Variants in DMP1 observed in about 807,000 individuals in gnomAD.
The protein encoded by DMP1 is dentin matrix protein 1.
DMP1 carries 20 observed loss-of-function variants against 14.6 expected under a neutral mutation model. The ratio of observed to expected loss-of-function variants is 1.37; its 90% CI spans 0.96 to 1.99. DMP1 has a LOEUF of 1.99. Among genes scored for constraint, DMP1 ranks in the 30% most tolerant of loss-of-function variants. The pLI, the probability that DMP1 is intolerant of heterozygous loss-of-function variation, is 0.00. For missense variants in DMP1, 567 were observed against 620.5 expected, an observed-to-expected ratio of 0.91 and a Z score of 0.92; for synonymous variants, 197 against 215.3, an observed-to-expected ratio of 0.91 and a Z score of 0.75.
At chr4:87,661,335 C>T (rs899478274) in intron 5 of DMP1, among the ~76,000 whole-genome samples, 1 of 150,994 alleles carries the variant, frequency 6.6e-6, no homozygotes, top group Non-Finnish European at 1.5e-5. Flanking sequence ...CATTCTCCTG[C>T]CTCAGCCTCC....
At position 87,662,182 on chromosome 4, in the gene DMP1, GA is replaced by G. The variant is rs758872749; in HGVS notation, c.406del (p.Ser136ValfsTer97). The G allele has an allele frequency of 6.2e-7, 1 of 1,614,218 alleles. No homozygotes were observed. Among genetic ancestry groups the G allele is most frequent in the Non-Finnish European group, 8.5e-7 (1 of 1,180,054 alleles). On this transcript the variant is annotated frameshift_variant, in exon 6 of 6. Transcript: ENST00000339673. LOFTEE classifies it low-confidence loss of function (END_TRUNC). Reference sequence around the variant, plus strand: ...CAAGAAGGAGGAAACTCCAGACTGGGAAGTGATGAGGACTCTGATGACACCA... The same window carrying G: ...CAAGAAGGAGGAAACTCCAGACTGGGAGTGATGAGGACTCTGATGACACCA... ...DRQEGGNSRL[G>X]SDEDSDDTIQ...
intron 5 of DMP1, among the ~76,000 whole-genome samples, chr4:87,661,557 C>T (rs1326694248): frequency 6.6e-6 from 1 of 151,624 alleles, no homozygotes; most frequent in Non-Finnish European, 1.5e-5. Context: ...GACGAGGTTT[C>T]ACCATGTTGG....
In DMP1 at chr4:87,659,069, A is replaced by G. The variant is rs754748777; in HGVS notation, c.103-151A>G. The G allele has an allele frequency of 6.1e-4, 475 of 773,796 alleles. 2 individuals carry two copies. The highest frequency in any genetic ancestry group is 5.6e-4 in the Non-Finnish European group (257 of 458,546). The allele number at this position is 773,796 out of a possible 1,614,324, so 47.9% of individuals were successfully genotyped here. On this transcript the variant is annotated intron_variant, in intron 3 of 5. Coordinates refer to ENST00000339673, the MANE Select transcript of DMP1 (RefSeq NM_004407.4). ...GTCATTTTACTTTCCTTTTGGAACC[A>G]TTTCATCATAAAATTTCACTATTAC...
chr4:87,652,077 C>T (rs1728542446), intron 1 of DMP1, among the ~76,000 whole-genome samples: 1 of 152,170 alleles, frequency 6.6e-6, no homozygotes, highest in Non-Finnish European at 1.5e-5. Flanking sequence ...AAACAATTCA[C>T]AGGGGCAGAA....
intron 3 of DMP1, among the ~76,000 whole-genome samples, chr4:87,658,216 T>C (rs986070786): frequency 2.0e-5 from 3 of 152,254 alleles, no homozygotes; most frequent in Admixed American, 6.5e-5. Context: ...AGCGTGATTA[T>C]AGCTCCTTTC....
chr4:87,653,407 A>ATATATAATATATATATATATAT lies in DMP1; in HGVS notation c.-22+3029_-22+3030insATATATATATATATATTATATA, dbSNP rs1553906475. On this transcript the variant is annotated intron_variant, in intron 1 of 5. Coordinates refer to ENST00000339673, the MANE Select transcript of DMP1 (RefSeq NM_004407.4). Reference sequence around the variant, plus strand: ...GAGTGATATATATATATATATATATATATATATATATATATATATATATAT... The same window carrying ATATATAATATATATATATATAT: ...GAGTGATATATATATATATATATATATATATAATATATATATATATATTATATATATATATATATATATATAT... 8.2e-3 allele frequency among the ~76,000 whole-genome samples: 858 copies of ATATATAATATATATATATATAT among 104,146 alleles called. 22 individuals are homozygous for ATATATAATATATATATATATAT. The highest frequency in any genetic ancestry group is 0.015 in the Non-Finnish European group (744 of 50,390). The allele number at this position is 104,146 out of a possible 152,430, so 68.3% of individuals were successfully genotyped here.
chr4:87,658,790 G>C, intron 3 of DMP1: 1 of 198,090 alleles, frequency 5.0e-6, no homozygotes, highest in Non-Finnish European at 1.0e-5. Context: ...CTGGAACTTA[G>C]GGGTTTCCTG....
At position 87,662,447 on chromosome 4, in the gene DMP1, C is replaced by T; in HGVS notation, c.669C>T (p.Ile223=). The change falls in exon 6 of 6, where the codon ATC becomes ATT. Residue 223 remains isoleucine, a synonymous_variant. Coordinates refer to ENST00000339673, the MANE Select transcript of DMP1 (RefSeq NM_004407.4). ...TGCAGAGTGATGACCCAGAGAGCAT[C>T]AGGAGTGAAAGGGGAAACTCCAGAA... ...EGMQSDDPES[I]RSERGNSRMN... is the part of the protein sequence containing the mutation. 1 of 1,614,104 alleles carries T rather than the reference C, an allele frequency of 6.2e-7. No homozygotes were observed. Among genetic ancestry groups the T allele is most frequent in the South Asian group, 1.1e-5 (1 of 91,080 alleles).
intron 1 of DMP1, among the ~76,000 whole-genome samples, chr4:87,654,211 G>A (rs1224956171): frequency 6.6e-6 from 1 of 152,156 alleles, no homozygotes; most frequent in African/African-American, 2.4e-5. Context: ...GAAAGACAGG[G>A]GGACTTAGGG....
In DMP1 at chr4:87,663,088, G is replaced by A. The variant is rs866686626; in HGVS notation, c.1310G>A (p.Ser437Asn). 13 of 1,614,226 alleles carry A rather than the reference G, an allele frequency of 8.1e-6. No homozygotes were observed. The highest frequency in any genetic ancestry group is 8.5e-6 in the Non-Finnish European group (10 of 1,180,048). ...SSSQEGLQSHSSSAESQSEES... is the reference protein window; with the variant it reads ...SSSQEGLQSHNSSAESQSEES... ...AGCCAGGAGGGCCTCCAGTCTCACA[G>A]CAGCTCAGCAGAGAGTCAGAGCGAG... is the stretch of plus-strand genomic sequence containing the variant. Residue 437 changes from serine (S) to asparagine (N), a missense_variant, in exon 6 of 6, where the codon AGC (serine) becomes AAC (asparagine). Ser to Asn is a conservative substitution (Grantham distance 46). Transcript: ENST00000339673.
At chr4:87,651,675 T>C (rs961207102) in intron 1 of DMP1, among the ~76,000 whole-genome samples, 15 of 152,096 alleles carry the variant, frequency 9.9e-5, no homozygotes, top group Non-Finnish European at 1.8e-4. Context: ...TCTTAAATTG[T>C]TGGTTTTGAG....
chr4:87,661,468 C>T (rs970035986), intron 5 of DMP1, among the ~76,000 whole-genome samples: 5 of 151,326 alleles, frequency 3.3e-5, no homozygotes, highest in East Asian at 2.0e-4. Flanking sequence ...GTGATCCGCC[C>T]GCCTCGGCCT....
In DMP1 at chr4:87,659,584, T is replaced by C. The variant is rs957670829; in HGVS notation, c.183+106T>C. 5.3e-5 allele frequency: 60 copies of C among 1,127,848 alleles called. 1 individual carries two copies. The highest frequency in any genetic ancestry group is 8.0e-5 in the Non-Finnish European group (59 of 739,490). The allele number at this position is 1,127,848 out of a possible 1,614,324, so 69.9% of individuals were successfully genotyped here. ...AGTTCTAAATATAATATTTTCTAAC[T>C]ATGAGTTATGCTGGCTAAAGAGTCC... is the stretch of plus-strand genomic sequence containing the variant. On this transcript the variant is annotated intron_variant, in intron 5 of 5. Transcript: ENST00000339673.
chr4:87,654,933 T>C (rs1404373178), intron 1 of DMP1, among the ~76,000 whole-genome samples: 1 of 152,160 alleles, frequency 6.6e-6, no homozygotes, highest in Non-Finnish European at 1.5e-5. Flanking sequence ...CCAGACTGTT[T>C]TGGGGTAAAG....
chr4:87,663,513 G>A lies in DMP1; in HGVS notation c.*193G>A, dbSNP rs1027407769. 1.3e-6 allele frequency: 1 copy of A among 774,264 alleles called. No individual in the cohort carries two copies. The highest frequency in any genetic ancestry group is 2.1e-6 in the Non-Finnish European group (1 of 482,060). 48.0% of individuals were successfully genotyped at this position (774,264 alleles called of 1,614,324 possible). On this transcript the variant is annotated 3_prime_UTR_variant, in exon 6 of 6. Transcript: ENST00000339673. ...TTCACAGAGGTTTAAATACTGTGGA[G>A]TGACACCAGAACACAGCCAAAGAGG...
rs1256057270 is a variant in DMP1 at position 87,662,249 on chromosome 4, T to A, written c.471T>A (p.Ser157Arg). The A allele has an allele frequency of 1.2e-6, 2 of 1,614,082 alleles. No homozygotes were observed. The highest frequency in any genetic ancestry group is 3.3e-5 in the Admixed American group (2 of 60,012). Residue 157 changes from serine (S) to arginine (R), a missense_variant, in exon 6 of 6, where the codon AGT (serine) becomes AGA (arginine). Ser to Arg is a moderately radical substitution (Grantham distance 110). Coordinates refer to ENST00000339673, the MANE Select transcript of DMP1 (RefSeq NM_004407.4). ...SEESAPQGQD[S>R]AQDTTSESRE... Reference sequence around the variant, plus strand: ...AGAGTGCCCCACAAGGGCAAGACAGTGCCCAAGATACCACCAGTGAGAGCA... The same window carrying A: ...AGAGTGCCCCACAAGGGCAAGACAGAGCCCAAGATACCACCAGTGAGAGCA...
chr4:87,653,745 A>G (rs990405082), intron 1 of DMP1, among the ~76,000 whole-genome samples: 28 of 152,148 alleles, frequency 1.8e-4, no homozygotes, highest in Admixed American at 2.6e-4. Context: ...AGTTGATAGT[A>G]ATATATATTT....
chr4:87,663,032 C>T lies in DMP1; in HGVS notation c.1254C>T (p.Ser418=). The stretch of plus-strand genomic sequence containing the variant: ...AGAGCCTCAACTTCTCAGAGGAAAG[C>T]CCGGAGTCCCCTGAGGATGAGAACA... ...SSESLNFSEE[S]PESPEDENSS... is the part of the protein sequence containing the mutation. The change falls in exon 6 of 6, where the codon AGC becomes AGT. Residue 418 remains serine, a synonymous_variant. Transcript: ENST00000339673. 1 of 1,614,152 alleles carries T rather than the reference C, an allele frequency of 6.2e-7. No individual in the cohort carries two copies. Among genetic ancestry groups the T allele is most frequent in the Non-Finnish European group, 8.5e-7 (1 of 1,180,014 alleles).
At chr4:87,657,562 A>C (rs764275031) in intron 3 of DMP1, among the ~76,000 whole-genome samples, 1 of 152,198 alleles carries the variant, frequency 6.6e-6, no homozygotes, top group Non-Finnish European at 1.5e-5. Context: ...TACATATATT[A>C]ACTTTCTTAA....
Sources: gnomAD v4.1 joint callset for allele counts (sites outside exome capture counted in the v4.1 genomes callset) on GRCh38, gnomAD v4.1.1 for gene constraint, MANE v1.5 for transcripts, NCBI Gene and HGNC (gene_info 2026-07-23, HGNC 2026-07-21) for gene names.